The following NFIC variants were observed in gnomAD, a reference collection of about 807,000 sequenced individuals.
NFIC encodes nuclear factor 1 C-type.
In NFIC, 12 loss-of-function variants were observed where a neutral mutation model predicts 54.4. The observed-to-expected ratio is 0.22, with a 90% CI of 0.14 to 0.36. NFIC has a LOEUF of 0.36. NFIC is among the 10% of genes least tolerant of loss of function. NFIC has a pLI of 1.00. For synonymous variants in NFIC, 322 were observed against 319.2 expected (o/e 1.01, Z -0.09); for missense variants, 575 against 718.2 (o/e 0.80, Z 2.28).
chr19:3,434,225 C>T (rs577923141), intron 4 of NFIC, 52 bp from the exon 5 acceptor site: 9 of 1,572,692 alleles, frequency 5.7e-6, no homozygotes, highest in African/African-American at 5.4e-5. Context: ...TAAAGCAAAC[C>T]GCAGCACTGG....
chr19:3,366,603 T>C lies in NFIC; in HGVS notation c.-34T>C. The C allele has an allele frequency of 2.1e-6, 3 of 1,435,386 alleles. No homozygotes were observed. The highest frequency in any genetic ancestry group is 9.3e-7 in the Non-Finnish European group (1 of 1,076,486). The allele number at this position is 1,435,386 out of a possible 1,614,324, so 88.9% of individuals were successfully genotyped here. A position where few individuals can be genotyped will look rare whatever the true frequency, so the allele number is the denominator to read the frequency against. On this transcript the variant is annotated 5_prime_UTR_variant, in exon 1 of 11. Transcript: ENST00000443272. ...GACTCAGTAAGTTCAGCGCGCCCGC[T>C]CCGGCCGGCCCTGCGCCTCCCGCCG... is the stretch of plus-strand genomic sequence containing the variant.
chr19:3,455,776 G>C (rs1296956236), intron 9 of NFIC, among the ~76,000 whole-genome samples: 1 of 149,054 alleles, frequency 6.7e-6, no homozygotes, highest in Non-Finnish European at 1.5e-5. Context: ...TATCCACTCA[G>C]GGCTCAACGG....
intron 1 of NFIC, among the ~76,000 whole-genome samples, chr19:3,373,561 A>C (rs939248508): frequency 3.3e-5 from 5 of 151,284 alleles, no homozygotes; most frequent in Non-Finnish European, 1.5e-5. Flanking sequence ...CCTGGCCTGG[A>C]GTGCCATCTC....
chr19:3,420,556 A>AAATAAAT (rs2081937253), intron 2 of NFIC, among the ~76,000 whole-genome samples: 24 of 142,752 alleles, frequency 1.7e-4, no homozygotes, highest in Admixed American at 3.5e-4. Context: ...CCATCTCAAA[A>AAATAAAT]AAATAAATAA....
chr19:3,409,081 C>G (rs1296838619), intron 2 of NFIC, among the ~76,000 whole-genome samples: 1 of 152,064 alleles, frequency 6.6e-6, no homozygotes, highest in East Asian at 1.9e-4. Flanking sequence ...TCACATCACT[C>G]CTCTTCCCAC....
At chr19:3,417,086 C>T (rs567688169) in intron 2 of NFIC, among the ~76,000 whole-genome samples, 15 of 150,542 alleles carry the variant, frequency 1.0e-4, no homozygotes, top group African/African-American at 2.4e-4. Flanking sequence ...GGGGTTTCAC[C>T]ATGTTAGCCA....
intron 6 of NFIC, 127 bp downstream of exon 6, chr19:3,435,334 T>TG: frequency 1.5e-6 from 2 of 1,326,884 alleles, no homozygotes; most frequent in Non-Finnish European, 2.0e-6. Flanking sequence ...CGGGGCCTCC[T>TG]GGGAATTGTA....
intron 1 of NFIC, among the ~76,000 whole-genome samples, chr19:3,367,034 C>T (rs1462791606): frequency 2.0e-5 from 3 of 151,948 alleles, no homozygotes; most frequent in African/African-American, 4.8e-5. Context: ...GCTGGCCCCC[C>T]TCCAGCAAGG....
chr19:3,430,819 C>A (rs2082107693), intron 3 of NFIC, among the ~76,000 whole-genome samples: 1 of 151,434 alleles, frequency 6.6e-6, no homozygotes, highest in African/African-American at 2.4e-5. Context: ...GTAATCCCAG[C>A]TACTTGGGAG....
At chr19:3,425,828 C>T (rs1370054883) in intron 3 of NFIC, among the ~76,000 whole-genome samples, 1 of 151,250 alleles carries the variant, frequency 6.6e-6, no homozygotes, top group Non-Finnish European at 1.5e-5. Flanking sequence ...CATCCTAGCT[C>T]ACTGCAGCCT....
intron 2 of NFIC, among the ~76,000 whole-genome samples, chr19:3,401,033 T>C (rs1231615519): frequency 6.6e-6 from 1 of 152,080 alleles, no homozygotes; most frequent in Non-Finnish European, 1.5e-5. Flanking sequence ...TATGAAGAAC[T>C]GGGGGAAGGC....
intron 6 of NFIC, among the ~76,000 whole-genome samples, chr19:3,440,163 G>A (rs1030181238): frequency 5.3e-5 from 8 of 152,140 alleles, no homozygotes; most frequent in South Asian, 4.1e-4. Flanking sequence ...AGGGAGAATC[G>A]TGGTTTGAGG....
chr19:3,430,931 CAAAA>C (rs59760975), intron 3 of NFIC, among the ~76,000 whole-genome samples: 1 of 80,176 alleles, frequency 1.2e-5, no homozygotes, highest in Non-Finnish European at 2.5e-5. Context: ...GACTCCGTCT[CAAAA>C]AAAAAAAAAA....
rs1211860309 is a variant in NFIC at position 3,468,575 on chromosome 19, G to A, written c.*5806G>A. The stretch of plus-strand genomic sequence containing the variant: ...ACAGGATGGGGCAGGGCATACAGTG[G>A]GGGGTGGGGGGGCAGCTGGGAGGAG... On this transcript the variant is annotated 3_prime_UTR_variant, in exon 11 of 11. Transcript: ENST00000443272. The A allele has an allele frequency of 1.3e-5, 2 of 152,278 alleles. No homozygotes were observed. The highest frequency in any genetic ancestry group is 2.9e-5 in the Non-Finnish European group (2 of 68,034). 9.4% of individuals were successfully genotyped at this position (152,278 alleles called of 1,614,324 possible). A position where few individuals can be genotyped will look rare whatever the true frequency, so the allele number is the denominator to read the frequency against.
intron 3 of NFIC, among the ~76,000 whole-genome samples, chr19:3,431,555 G>A (rs1429870743): frequency 6.6e-6 from 1 of 151,286 alleles, no homozygotes; most frequent in East Asian, 1.9e-4. Flanking sequence ...TTTTTGTAGG[G>A]ATGGGGTTTC....
chr19:3,401,717 TTC>T (rs138781413), intron 2 of NFIC, among the ~76,000 whole-genome samples: 5 of 136,160 alleles, frequency 3.7e-5, no homozygotes, highest in East Asian at 2.1e-4. Context: ...GGCAGGGTTA[TTC>T]TCTTTTTTTT....
At chr19:3,444,669 C>T (rs1006017267) in intron 6 of NFIC, among the ~76,000 whole-genome samples, 13 of 152,196 alleles carry the variant, frequency 8.5e-5, no homozygotes, top group African/African-American at 2.9e-4. Flanking sequence ...ATGTGGCGGC[C>T]GGGGGTGGAG....
rs558797421 is a variant in NFIC at position 3,417,097 on chromosome 19, G to C, written c.563-8009G>C. Among the ~76,000 whole-genome samples the C allele has an allele frequency of 1.5e-4, 23 of 150,734 alleles. No homozygotes were observed. In the East Asian group the frequency reaches 3.8e-3, roughly 25 times the overall value. On this transcript the variant is annotated intron_variant, in intron 2 of 10. Transcript: ENST00000443272. ...AGATGGGGTTTCACCATGTTAGCCAGGATGGTCTCGATCTCCTGACCTCGT... is the reference window on the plus strand; with the variant it reads ...AGATGGGGTTTCACCATGTTAGCCACGATGGTCTCGATCTCCTGACCTCGT...
chr19:3,435,083 G>A lies in NFIC; in HGVS notation c.834G>A (p.Gly278=). The change falls in exon 6 of 11, where the codon GGG becomes GGA. Residue 278 remains glycine (G), a splice_region_variant and synonymous_variant. Transcript: ENST00000443272. ...CCTCTCCCCTTCCCTCGCCCATAAGGAGCAAGCGGCACAAATCGGGCTCGA... is the reference window on the plus strand; with the variant it reads ...CCTCTCCCCTTCCCTCGCCCATAAGAAGCAAGCGGCACAAATCGGGCTCGA... ...RRTLPSTSSS[G]SKRHKSGSME... is the part of the protein sequence containing the mutation. 2.5e-6 allele frequency: 4 copies of A among 1,597,092 alleles called. No individual in the cohort carries two copies. Among genetic ancestry groups the A allele is most frequent in the Non-Finnish European group, 3.4e-6 (4 of 1,169,816 alleles).
Sources: gnomAD v4.1 joint callset for allele counts (sites outside exome capture counted in the v4.1 genomes callset) on GRCh38, gnomAD v4.1.1 for gene constraint, MANE v1.5 for transcripts, NCBI Gene and HGNC (gene_info 2026-07-23, HGNC 2026-07-21) for gene names.